XPR1: variants seen among roughly 807,000 people sequenced by gnomAD.
XPR1 encodes xenotropic and polytropic retrovirus receptor 1.
A neutral mutation model predicts 87.5 loss-of-function variants in XPR1; 28 were observed. The observed-to-expected ratio is 0.32, with a 90% CI of 0.24 to 0.44. The LOEUF is 0.44. XPR1 is among the 20% of genes least tolerant of loss of function. The probability of loss-of-function intolerance (pLI) is 1.00; values close to 1 mark genes in which losing one functional copy is unlikely to be tolerated. For missense variants in XPR1, 559 were observed against 862.3 expected (o/e 0.65, Z 4.41); for synonymous variants, 300 against 306.1 (o/e 0.98, Z 0.21).
chr1:180,883,149 T>TTTA (rs1553255848), intron 14 of XPR1, among the ~76,000 whole-genome samples: 7 of 148,924 alleles, frequency 4.7e-5, no homozygotes, highest in African/African-American at 1.5e-4. Context: ...TTTTTTTTTT[T>TTTA]AAGACAGGGT....
chr1:180,641,221 A>G (rs1484743249), intron 1 of XPR1, among the ~76,000 whole-genome samples: 1 of 152,224 alleles, frequency 6.6e-6, no homozygotes, highest in Non-Finnish European at 1.5e-5. Flanking sequence ...TGTGAGGATT[A>G]AATGAGTTAA....
At chr1:180,854,086 G>A (rs185077955) in intron 11 of XPR1, among the ~76,000 whole-genome samples, 5 of 152,282 alleles carry the variant, frequency 3.3e-5, no homozygotes, top group African/African-American at 1.2e-4. Flanking sequence ...AAGTTTAATA[G>A]GGGTTTTGCT....
In XPR1 at chr1:180,885,280, T is replaced by C. The variant is rs535625175; in HGVS notation, c.*1214T>C. 1.2e-4 allele frequency: 19 copies of C among 152,820 alleles called. No homozygotes were observed. Among genetic ancestry groups the C allele is most frequent in the African/African-American group, 4.3e-4 (18 of 41,598 alleles). The allele number at this position is 152,820 out of a possible 1,614,324, so 9.5% of individuals were successfully genotyped here. A position where few individuals can be genotyped will look rare whatever the true frequency, so the allele number is the denominator to read the frequency against. The stretch of plus-strand genomic sequence containing the variant: ...AAATTATACTTCCTCATTCATATTA[T>C]GTTGATACAAAAGACCTTGGCAGCC... On this transcript the variant is annotated 3_prime_UTR_variant, in exon 15 of 15. Coordinates refer to ENST00000367590, the MANE Select transcript of XPR1 (RefSeq NM_004736.4).
chr1:180,656,699 TTA>T (rs559625989), intron 1 of XPR1, among the ~76,000 whole-genome samples: 4 of 131,056 alleles, frequency 3.1e-5, no homozygotes, highest in African/African-American at 8.5e-5. Flanking sequence ...TATATGTATT[TTA>T]TATATATATA....
chr1:180,751,200 A>G (rs1391920857), intron 2 of XPR1, among the ~76,000 whole-genome samples: 2 of 151,980 alleles, frequency 1.3e-5, no homozygotes, highest in African/African-American at 4.8e-5. Flanking sequence ...CTAGGAAGAA[A>G]CAGTTTTACA....
chr1:180,816,473 G>T (rs943711652), intron 7 of XPR1, among the ~76,000 whole-genome samples: 1 of 152,148 alleles, frequency 6.6e-6, no homozygotes, highest in Non-Finnish European at 1.5e-5. Flanking sequence ...ACTAACCTAT[G>T]ACCCAGTTCT....
intron 1 of XPR1, among the ~76,000 whole-genome samples, chr1:180,668,984 G>A (rs1425138772): frequency 6.6e-6 from 1 of 151,920 alleles, no homozygotes; most frequent in East Asian, 1.9e-4. Context: ...AGCTACTTGG[G>A]AGGCTGAGGC....
In XPR1 at chr1:180,863,694, T is replaced by C; in HGVS notation, c.1502-14T>C. 1 of 1,547,368 alleles carries C rather than the reference T, an allele frequency of 6.5e-7. No homozygotes were observed. Among genetic ancestry groups the C allele is most frequent in the Non-Finnish European group, 8.7e-7 (1 of 1,152,460 alleles). ...AGTAATTTTCTCTTTTCTCTTTCCCTCTTCTTTCTTCAGAACGAGGTCACT... is the reference window on the plus strand; with the variant it reads ...AGTAATTTTCTCTTTTCTCTTTCCCCCTTCTTTCTTCAGAACGAGGTCACT... On this transcript the variant is annotated splice_polypyrimidine_tract_variant and intron_variant, in intron 11 of 14. Coordinates refer to ENST00000367590, the MANE Select transcript of XPR1 (RefSeq NM_004736.4).
intron 12 of XPR1, among the ~76,000 whole-genome samples, chr1:180,869,592 T>A (rs1652488302): frequency 1.2e-5 from 1 of 80,588 alleles, no homozygotes; most frequent in South Asian, 5.0e-4. Context: ...GATTTTCTAG[T>A]TTATTTGCGT....
chr1:180,853,799 T>G (rs1274612548), intron 11 of XPR1, among the ~76,000 whole-genome samples: 2 of 146,412 alleles, frequency 1.4e-5, no homozygotes, highest in African/African-American at 2.7e-5. Context: ...TGGTTTTTTT[T>G]TTTTTTTTTT....
chr1:180,639,504 A>G lies in XPR1; in HGVS notation c.69+7234A>G, dbSNP rs1028760635. 2.0e-5 allele frequency among the ~76,000 whole-genome samples: 3 copies of G among 152,212 alleles called. No individual in the cohort carries two copies. The East Asian group carries it at 5.8e-4, about 29-fold the overall frequency. ...AAACCAGATATAAATCCTAAAATCCAGTTCTATCATTGACTATTCGTAAAT... is the reference window on the plus strand; with the variant it reads ...AAACCAGATATAAATCCTAAAATCCGGTTCTATCATTGACTATTCGTAAAT... On this transcript the variant is annotated intron_variant, in intron 1 of 14. Coordinates refer to ENST00000367590, the MANE Select transcript of XPR1 (RefSeq NM_004736.4).
intron 9 of XPR1, among the ~76,000 whole-genome samples, chr1:180,830,266 A>T (rs976662889): frequency 2.0e-5 from 3 of 152,142 alleles, no homozygotes; most frequent in Non-Finnish European, 4.4e-5. Context: ...TATGGTTGCA[A>T]ATGGTATAGA....
chr1:180,878,914 AGTT>A (rs1485421066), intron 13 of XPR1, among the ~76,000 whole-genome samples: 11 of 152,222 alleles, frequency 7.2e-5, no homozygotes, highest in Admixed American at 5.2e-4. Context: ...TGTCTCCTCT[AGTT>A]GTATTATTCC....
chr1:180,673,624 C>T (rs903848550), intron 1 of XPR1, among the ~76,000 whole-genome samples: 4 of 152,182 alleles, frequency 2.6e-5, no homozygotes, highest in Admixed American at 6.5e-5. Context: ...TCAGCAACGG[C>T]GTTAGATTCT....
At chr1:180,785,005 GTGTGTT>G (rs1180511570) in intron 2 of XPR1, among the ~76,000 whole-genome samples, 2 of 111,300 alleles carry the variant, frequency 1.8e-5, no homozygotes, top group Non-Finnish European at 3.6e-5. Flanking sequence ...TTTCGTGTGT[GTGTGTT>G]TGTGTGTGTG....
chr1:180,812,854 T>C (rs1650269639), intron 7 of XPR1, among the ~76,000 whole-genome samples: 1 of 152,070 alleles, frequency 6.6e-6, no homozygotes, highest in Non-Finnish European at 1.5e-5. Context: ...TTCACTATGT[T>C]GGCCAGACTG....
At chr1:180,677,508 T>G (rs75987606) in intron 1 of XPR1, among the ~76,000 whole-genome samples, 33,896 of 151,924 alleles carry the variant, frequency 0.22, 3,900 homozygotes, top group Middle Eastern at 0.28. Context: ...GATGAGCCAG[T>G]TTATTGATCT....
chr1:180,824,662 G>C (rs1266376203), intron 7 of XPR1, 91 bp from the exon 8 acceptor site: 1 of 1,119,234 alleles, frequency 8.9e-7, no homozygotes, highest in Non-Finnish European at 1.3e-6. Flanking sequence ...TTCTATGCCA[G>C]GGCTATATCA....
intron 11 of XPR1, among the ~76,000 whole-genome samples, chr1:180,850,878 G>C (rs962649646): frequency 2.0e-5 from 3 of 151,300 alleles, no homozygotes; most frequent in Non-Finnish European, 4.4e-5. Flanking sequence ...AGGATCACTT[G>C]AGCCCAGGAG....
Sources: allele counts gnomAD v4.1 joint callset (sites outside exome capture counted in the v4.1 genomes callset), GRCh38; gene constraint gnomAD v4.1.1; transcripts MANE v1.5; gene names NCBI Gene and HGNC (gene_info 2026-07-23, HGNC 2026-07-21).